The following CDC45 variants were observed in gnomAD, a reference collection of about 807,000 sequenced individuals.
CDC45 encodes the protein cell division control protein 45 homolog.
Under a neutral mutation model 77.8 loss-of-function variants are expected in CDC45, and 54 were observed. The ratio of observed to expected loss-of-function variants is 0.69; its 90% CI spans 0.56 to 0.87. The LOEUF is 0.87. Ranked by LOEUF, CDC45 falls within the 40% of genes least tolerant of loss-of-function variation. The pLI, the probability that CDC45 is intolerant of heterozygous loss-of-function variation, is 0.00. For missense variants in CDC45, 649 were observed against 721.6 expected, an observed-to-expected ratio of 0.90 and a Z score of 1.15; for synonymous variants, 260 against 272.1, an observed-to-expected ratio of 0.96 and a Z score of 0.44.
At chr22:19,517,925 A>G (rs1933889802) in intron 17 of CDC45, among the ~76,000 whole-genome samples, 1 of 152,152 alleles carries the variant, frequency 6.6e-6, no homozygotes, top group African/African-American at 2.4e-5. Flanking sequence ...GAGAAAGGAT[A>G]TTTTCTTGCC....
chr22:19,493,540 G>A (rs1224116367), intron 5 of CDC45, among the ~76,000 whole-genome samples: 1 of 152,084 alleles, frequency 6.6e-6, no homozygotes, highest in Non-Finnish European at 1.5e-5. Flanking sequence ...CACCTCCTGG[G>A]TTCAGGCAGT....
chr22:19,516,271 GAC>G (rs1933781786), intron 15 of CDC45, among the ~76,000 whole-genome samples: 1 of 152,130 alleles, frequency 6.6e-6, no homozygotes, highest in African/African-American at 2.4e-5. Context: ...GAGGCTCGGG[GAC>G]ACAGCATCAC....
intron 9 of CDC45, among the ~76,000 whole-genome samples, chr22:19,502,404 A>G (rs1321839878): frequency 1.3e-5 from 2 of 152,264 alleles, no homozygotes; most frequent in Non-Finnish European, 2.9e-5. Flanking sequence ...GAACTTATTT[A>G]CTTTGTTTAT....
intron 13 of CDC45, among the ~76,000 whole-genome samples, chr22:19,508,996 T>C (rs1933369127): frequency 1.3e-5 from 2 of 152,248 alleles, no homozygotes. Context: ...TATTCGTTCT[T>C]GTGTTTAATC....
intron 2 of CDC45, among the ~76,000 whole-genome samples, chr22:19,480,738 C>T (rs140850053): frequency 3.3e-5 from 5 of 152,286 alleles, no homozygotes; most frequent in African/African-American, 1.2e-4. Context: ...CGGCATTTCT[C>T]CCCGATGTTT....
chr22:19,490,437 C>T (rs552775844), intron 5 of CDC45, among the ~76,000 whole-genome samples: 21 of 151,858 alleles, frequency 1.4e-4, no homozygotes, highest in East Asian at 3.9e-4. Flanking sequence ...TGCAGTGGCG[C>T]GATCTTGGCT....
At position 19,520,110 on chromosome 22, in the gene CDC45, C is replaced by T. The variant is rs1355081886; in HGVS notation, c.*2-371C>T. On this transcript the variant is annotated intron_variant, in intron 18 of 18. Transcript: ENST00000263201. This position sits in a 1 kb window ranked among gnomAD's most constrained non-coding sequence, Gnocchi z 4.5. Reference sequence around the variant, plus strand: ...CAGCCTGCTTGGTGGTGATGTTATGCTGCTGTGTGTCCTTCCACTGAGGCA... The same window carrying T: ...CAGCCTGCTTGGTGGTGATGTTATGTTGCTGTGTGTCCTTCCACTGAGGCA... 1.3e-5 allele frequency among the ~76,000 whole-genome samples: 2 copies of T among 152,058 alleles called. No individual in the cohort carries two copies. The highest frequency in any genetic ancestry group is 2.9e-5 in the Non-Finnish European group (2 of 68,012).
chr22:19,509,639 C>T (rs1407027172), intron 13 of CDC45, among the ~76,000 whole-genome samples: 2 of 152,146 alleles, frequency 1.3e-5, no homozygotes, highest in Non-Finnish European at 2.9e-5. Flanking sequence ...TATTCTGTCC[C>T]TTATTCTCTT....
intron 5 of CDC45, 24 bp downstream of exon 5, chr22:19,484,029 A>G (rs914630577): frequency 1.3e-6 from 2 of 1,575,708 alleles, no homozygotes; most frequent in East Asian, 2.3e-5. Context: ...TCTCACAGCT[A>G]TCCCAGAGGA....
intron 5 of CDC45, among the ~76,000 whole-genome samples, chr22:19,486,346 AAT>A (rs1305842898): frequency 6.6e-6 from 1 of 152,230 alleles, no homozygotes; most frequent in Non-Finnish European, 1.5e-5. Context: ...TTGTCCTCAA[AAT>A]ATATTTTGCA....
chr22:19,503,825 C>T (rs536102545), intron 9 of CDC45, among the ~76,000 whole-genome samples: 2 of 152,330 alleles, frequency 1.3e-5, no homozygotes, highest in Admixed American at 6.5e-5. Flanking sequence ...GCCACAGGAC[C>T]TCCAAAGAGG....
chr22:19,518,008 C>T (rs13447284), intron 17 of CDC45, among the ~76,000 whole-genome samples: 7,062 of 152,310 alleles, frequency 0.046, 222 homozygotes, highest in Middle Eastern at 0.15. Flanking sequence ...GTGGCGTCAG[C>T]CATCTCAGAG....
At chr22:19,493,545 G>A (rs1203328172) in intron 5 of CDC45, among the ~76,000 whole-genome samples, 2 of 152,088 alleles carry the variant, frequency 1.3e-5, no homozygotes, top group East Asian at 1.9e-4. Context: ...CCTGGGTTCA[G>A]GCAGTTTTCC....
chr22:19,514,787 C>T lies in CDC45; in HGVS notation c.1256C>T (p.Ala419Val). Reference protein sequence around the residue: ...LDKLYHGLELAKKQLRATQQT... With the variant: ...LDKLYHGLELVKKQLRATQQT... ...AAGCTGTACCATGGCCTGGAACTCG[C>T]CAAGAAGCAGCTGCGAGCCACCCAG... The change falls in exon 14 of 19, where the codon GCC becomes GTC. Residue 419 changes from alanine to valine, a missense_variant. Transcript: ENST00000263201. 2 of 1,613,868 alleles carry T rather than the reference C, an allele frequency of 1.2e-6. No individual in the cohort carries two copies. The highest frequency in any genetic ancestry group is 1.1e-5 in the South Asian group (1 of 91,022).
chr22:19,482,555 G>T, intron 3 of CDC45, 135 bp from the exon 4 acceptor site: 2 of 871,754 alleles, frequency 2.3e-6, no homozygotes, highest in Non-Finnish European at 3.4e-6. Context: ...GCCATTTTTT[G>T]GAGTCCCTTG....
intron 6 of CDC45, among the ~76,000 whole-genome samples, 197 bp from the exon 7 acceptor site, chr22:19,495,784 T>C (rs111738408): frequency 6.6e-6 from 1 of 152,158 alleles, no homozygotes; most frequent in Non-Finnish European, 1.5e-5. Flanking sequence ...ATCACACCAC[T>C]GCACTTCAGC....
At chr22:19,493,604 C>T (rs1043592372) in intron 5 of CDC45, among the ~76,000 whole-genome samples, 21 of 152,004 alleles carry the variant, frequency 1.4e-4, no homozygotes, top group African/African-American at 4.6e-4. Context: ...CCACCACGCC[C>T]GGCTAATTTT....
intron 12 of CDC45, 46 bp from the exon 13 acceptor site, chr22:19,508,484 C>T (rs2146417770): frequency 6.2e-7 from 1 of 1,608,496 alleles, no homozygotes; most frequent in African/African-American, 1.3e-5. Flanking sequence ...GCAGTGAGAG[C>T]TTGCCCACAA....
At chr22:19,488,921 T>G (rs1212120805) in intron 5 of CDC45, among the ~76,000 whole-genome samples, 1 of 152,110 alleles carries the variant, frequency 6.6e-6, no homozygotes, top group African/African-American at 2.4e-5. Flanking sequence ...TAGTATAATA[T>G]CACGGTCAGG....
Sources: gnomAD v4.1 joint callset for allele counts (sites outside exome capture counted in the v4.1 genomes callset) on GRCh38, gnomAD v4.1.1 for gene constraint, Gnocchi (gnomAD v3.1) non-coding constraint, MANE v1.5 for transcripts, NCBI Gene and HGNC (gene_info 2026-07-23, HGNC 2026-07-21) for gene names.